The following OLFM3 variants were observed in gnomAD, a reference collection of about 807,000 sequenced individuals.
OLFM3 encodes olfactomedin 3.
A neutral mutation model predicts 48.6 loss-of-function variants in OLFM3; 20 were observed. The observed-to-expected ratio is 0.41, with a 90% CI of 0.29 to 0.60. The LOEUF is 0.60. Ranked by LOEUF, OLFM3 falls within the 20% of genes least tolerant of loss-of-function variation. The pLI, the probability that OLFM3 is intolerant of heterozygous loss-of-function variation, is 0.28. For missense variants in OLFM3, 437 were observed against 544.3 expected (o/e 0.80, Z 1.96); for synonymous variants, 222 against 198.1 (o/e 1.12, Z -1.01).
At chr1:101,883,538 T>C (rs1657621655) in intron 1 of OLFM3, among the ~76,000 whole-genome samples, 1 of 151,892 alleles carries the variant, frequency 6.6e-6, no homozygotes, top group African/African-American at 2.4e-5. Flanking sequence ...CCAATGTGTG[T>C]CTGTGACATA....
chr1:101,919,266 T>C (rs968332092), intron 1 of OLFM3, among the ~76,000 whole-genome samples: 89 of 152,278 alleles, frequency 5.8e-4, no homozygotes, highest in African/African-American at 2.1e-3. Context: ...CCCTCTATTA[T>C]CCCATTTCTC....
chr1:101,816,494 CTG>C (rs1654344700), intron 4 of OLFM3, among the ~76,000 whole-genome samples: 2 of 152,088 alleles, frequency 1.3e-5, no homozygotes. Flanking sequence ...GTGTGAGTGT[CTG>C]TCTGTTTTTA....
intron 4 of OLFM3, among the ~76,000 whole-genome samples, chr1:101,813,453 G>T (rs1654169532): frequency 6.6e-6 from 1 of 152,054 alleles, no homozygotes; most frequent in Non-Finnish European, 1.5e-5. Flanking sequence ...ATGAATATGT[G>T]TGTCTAGTAA....
At chr1:101,855,615 CTTA>C (rs1370843682) in intron 1 of OLFM3, among the ~76,000 whole-genome samples, 1 of 152,062 alleles carries the variant, frequency 6.6e-6, no homozygotes, top group African/African-American at 2.4e-5. Context: ...CATGTCTTCA[CTTA>C]TTGAGTTTAT....
At chr1:101,935,225 T>G (rs1659573156) in intron 1 of OLFM3, among the ~76,000 whole-genome samples, 1 of 148,700 alleles carries the variant, frequency 6.7e-6, no homozygotes, top group African/African-American at 2.5e-5. Context: ...GATAGACCAC[T>G]AACTAGACTA....
intron 1 of OLFM3, among the ~76,000 whole-genome samples, chr1:101,945,630 CTT>C (rs1473313166): frequency 6.6e-6 from 1 of 151,674 alleles, no homozygotes; most frequent in Non-Finnish European, 1.5e-5. Flanking sequence ...AAACTGTACA[CTT>C]ATCTTAATTT....
intron 1 of OLFM3, among the ~76,000 whole-genome samples, chr1:101,952,036 AC>A (rs1660158228): frequency 1.9e-5 from 2 of 107,734 alleles, no homozygotes; most frequent in Non-Finnish European, 4.4e-5. Flanking sequence ...GTTAAAAGTT[AC>A]CTATCTAACT....
chr1:101,884,727 T>C (rs1181547706), intron 1 of OLFM3, among the ~76,000 whole-genome samples: 2 of 151,976 alleles, frequency 1.3e-5, no homozygotes, highest in Non-Finnish European at 1.5e-5. Flanking sequence ...TGAGAATCCT[T>C]TTTCTGGAAT....
chr1:101,830,883 C>A, intron 2 of OLFM3, 56 bp from the exon 3 acceptor site: 1 of 1,524,486 alleles, frequency 6.6e-7, no homozygotes, highest in Admixed American at 2.1e-5. Context: ...TTTGTGCAAT[C>A]ACTAAGAAAT....
intron 1 of OLFM3, among the ~76,000 whole-genome samples, chr1:101,976,925 A>G (rs935208704): frequency 5.3e-5 from 8 of 152,298 alleles, no homozygotes; most frequent in Admixed American, 2.0e-4. Context: ...ACTAGAAGTG[A>G]TACAAAGTGG....
intron 1 of OLFM3, among the ~76,000 whole-genome samples, chr1:101,989,783 A>C (rs1444127458): frequency 6.6e-6 from 1 of 152,228 alleles, no homozygotes; most frequent in Admixed American, 6.5e-5. Flanking sequence ...CAATATAAGC[A>C]GAGGGACAGA....
intron 1 of OLFM3, chr1:101,909,964 T>C: frequency 4.1e-6 from 4 of 985,336 alleles, no homozygotes; most frequent in Non-Finnish European, 4.8e-6. Flanking sequence ...ATCTTCAAGG[T>C]ACCACATAAG....
chr1:101,812,714 A>G (rs1654128923), intron 4 of OLFM3: 2 of 986,568 alleles, frequency 2.0e-6, no homozygotes, highest in Non-Finnish European at 2.4e-6. Context: ...TGTTTCGGCC[A>G]AAACTTAGGA....
At chr1:101,926,870 G>A (rs971345581) in intron 1 of OLFM3, among the ~76,000 whole-genome samples, 2 of 152,058 alleles carry the variant, frequency 1.3e-5, no homozygotes, top group Non-Finnish European at 2.9e-5. Flanking sequence ...TTTTTAAAAG[G>A]CTTACTATTT....
At chr1:101,948,335 T>C (rs1208841329) in intron 1 of OLFM3, among the ~76,000 whole-genome samples, 2 of 151,998 alleles carry the variant, frequency 1.3e-5, no homozygotes, top group Non-Finnish European at 2.9e-5. Context: ...TTTCAGAAAA[T>C]GAGTTTTCTT....
intron 1 of OLFM3, among the ~76,000 whole-genome samples, chr1:101,957,004 T>G (rs1038728017): frequency 2.0e-5 from 3 of 151,674 alleles, no homozygotes; most frequent in East Asian, 1.9e-4. Flanking sequence ...AAAAAAAAAG[T>G]GGCTGTAGAT....
At chr1:101,850,324 C>T (rs1358730971) in intron 1 of OLFM3, among the ~76,000 whole-genome samples, 9 of 151,898 alleles carry the variant, frequency 5.9e-5, no homozygotes, top group Admixed American at 5.9e-4. Flanking sequence ...TATATTTATT[C>T]ATTAGATTTT....
intron 1 of OLFM3, among the ~76,000 whole-genome samples, chr1:101,856,653 G>C (rs944968919): frequency 5.9e-5 from 9 of 151,700 alleles, no homozygotes; most frequent in African/African-American, 1.9e-4. Flanking sequence ...ATTATTTTCT[G>C]TTGTCAGAAA....
At chr1:101,852,582 T>C (rs1269185144) in intron 1 of OLFM3, among the ~76,000 whole-genome samples, 1 of 152,096 alleles carries the variant, frequency 6.6e-6, no homozygotes, top group Non-Finnish European at 1.5e-5. Flanking sequence ...AATTCAGAAC[T>C]GCATATCCAA....
Sources: allele counts gnomAD v4.1 joint callset (sites outside exome capture counted in the v4.1 genomes callset), GRCh38; gene constraint gnomAD v4.1.1; transcripts MANE v1.5; gene names NCBI Gene and HGNC (gene_info 2026-07-23, HGNC 2026-07-21).